PRKG1: variants seen among roughly 807,000 people sequenced by gnomAD.
The protein encoded by PRKG1 is cGMP-dependent protein kinase 1.
A neutral mutation model predicts 88.1 loss-of-function variants in PRKG1; 35 were observed. That is an observed-to-expected ratio of 0.40 (90% CI 0.30 to 0.53). PRKG1 has a LOEUF of 0.53. Among genes scored for constraint, PRKG1 ranks in the 20% least tolerant of loss-of-function variants. The pLI is 0.59. For synonymous variants in PRKG1, 303 were observed against 292.5 expected (o/e 1.04, Z -0.37); for missense variants, 540 against 839.8 (o/e 0.64, Z 4.41).
At chr10:51,821,687 A>G (rs1298797704) in intron 4 of PRKG1, among the ~76,000 whole-genome samples, 1 of 152,084 alleles carries the variant, frequency 6.6e-6, no homozygotes, top group Non-Finnish European at 1.5e-5. Context: ...TGACCTATAT[A>G]TATTGACCTT....
intron 5 of PRKG1, among the ~76,000 whole-genome samples, chr10:51,995,100 A>G (rs924068581): frequency 6.6e-6 from 1 of 152,206 alleles, no homozygotes; most frequent in Non-Finnish European, 1.5e-5. Context: ...TCACATAAAT[A>G]GTAAGAGACA....
intron 9 of PRKG1, among the ~76,000 whole-genome samples, chr10:52,187,138 C>T (rs746286092): frequency 6.6e-6 from 1 of 152,044 alleles, no homozygotes; most frequent in Non-Finnish European, 1.5e-5. Context: ...ACAATTAATT[C>T]ACTTGGATAA....
intron 1 of PRKG1, among the ~76,000 whole-genome samples, chr10:51,008,805 G>T (rs1249096815): frequency 1.3e-5 from 2 of 152,172 alleles, no homozygotes; most frequent in Non-Finnish European, 2.9e-5. Context: ...AAAGATTTTG[G>T]ATGAGATGAA....
chr10:51,041,228 C>T (rs1196100343), intron 1 of PRKG1, among the ~76,000 whole-genome samples: 5 of 152,234 alleles, frequency 3.3e-5, no homozygotes, highest in African/African-American at 1.2e-4. Context: ...AGTGGGCTCC[C>T]TTCTGGTCCA....
At chr10:51,181,756 A>G (rs946241862) in intron 2 of PRKG1, among the ~76,000 whole-genome samples, 6 of 152,148 alleles carry the variant, frequency 3.9e-5, no homozygotes, top group Non-Finnish European at 8.8e-5. Flanking sequence ...CAAATGAGGA[A>G]ATTGAGGATC....
At chr10:51,609,270 C>T (rs1261246064) in intron 3 of PRKG1, among the ~76,000 whole-genome samples, 2 of 152,124 alleles carry the variant, frequency 1.3e-5, no homozygotes, top group Non-Finnish European at 2.9e-5. Flanking sequence ...ACTCACCCAC[C>T]AGTCATTCAC....
intron 2 of PRKG1, among the ~76,000 whole-genome samples, chr10:51,339,692 A>C (rs1295672890): frequency 6.6e-6 from 1 of 151,994 alleles, no homozygotes; most frequent in Admixed American, 6.6e-5. Context: ...TTTCTCATGC[A>C]AAGTATATAA....
intron 5 of PRKG1, among the ~76,000 whole-genome samples, chr10:52,030,790 T>G (rs1349179060): frequency 2.6e-5 from 4 of 152,160 alleles, no homozygotes; most frequent in Admixed American, 2.6e-4. Flanking sequence ...ACCCATAAGA[T>G]GTAGTTTAAA....
At chr10:51,256,445 G>C (rs2132150693) in intron 2 of PRKG1, among the ~76,000 whole-genome samples, 1 of 152,254 alleles carries the variant, frequency 6.6e-6, no homozygotes, top group South Asian at 2.1e-4. Context: ...CTGGTCCCAT[G>C]TACTGAGATA....
chr10:51,025,274 A>T (rs1030317267), intron 1 of PRKG1, among the ~76,000 whole-genome samples: 1 of 152,136 alleles, frequency 6.6e-6, no homozygotes, highest in African/African-American at 2.4e-5. Flanking sequence ...ATCAGGCTTG[A>T]CAGTTGCATT....
intron 4 of PRKG1, among the ~76,000 whole-genome samples, chr10:51,869,766 A>G (rs1262840263): frequency 6.6e-6 from 1 of 152,196 alleles, no homozygotes; most frequent in East Asian, 1.9e-4. Flanking sequence ...TAAATTCCAC[A>G]GAAATCACAT....
At chr10:51,068,159 T>A (rs935498385) in intron 1 of PRKG1, among the ~76,000 whole-genome samples, 1 of 152,084 alleles carries the variant, frequency 6.6e-6, no homozygotes, top group Non-Finnish European at 1.5e-5. Flanking sequence ...ACTATTTCAT[T>A]TGCCTGTCGT....
At chr10:52,276,710 T>C (rs1339446281) in intron 12 of PRKG1, among the ~76,000 whole-genome samples, 1 of 152,208 alleles carries the variant, frequency 6.6e-6, no homozygotes, top group Non-Finnish European at 1.5e-5. Context: ...GATTTATTTC[T>C]TTAAGTAACT....
At chr10:51,960,808 C>A (rs764337197) in intron 5 of PRKG1, among the ~76,000 whole-genome samples, 1 of 152,080 alleles carries the variant, frequency 6.6e-6, no homozygotes, top group Non-Finnish European at 1.5e-5. Flanking sequence ...GCATGATATC[C>A]GACTTCCCCA....
At chr10:51,761,462 A>G (rs1193967478) in intron 3 of PRKG1, among the ~76,000 whole-genome samples, 1 of 152,176 alleles carries the variant, frequency 6.6e-6, no homozygotes, top group East Asian at 1.9e-4. Context: ...CTGCTGTCCA[A>G]TCTACTTGAA....
chr10:52,084,265 C>T (rs1846854675), intron 7 of PRKG1, among the ~76,000 whole-genome samples: 1 of 152,090 alleles, frequency 6.6e-6, no homozygotes, highest in Non-Finnish European at 1.5e-5. Flanking sequence ...CACAATGAAA[C>T]AAATATCTGC....
At position 51,697,766 on chromosome 10, in the gene PRKG1, G is replaced by T. The variant is rs746675885; in HGVS notation, c.593-106819G>T. On this transcript the variant is annotated intron_variant, in intron 3 of 17. Coordinates refer to ENST00000373980, the MANE Select transcript of PRKG1 (RefSeq NM_006258.4). ...CAGGATACTCTGCCTTTGCTCAGGG[G>T]GCAGCATGGCAATCTGATCTGCAGT... The T allele has an allele frequency of 6.8e-6, 11 of 1,613,972 alleles. No individual in the cohort carries two copies. The Admixed American group carries it at 1.7e-4, about 24-fold the overall frequency.
intron 3 of PRKG1, among the ~76,000 whole-genome samples, chr10:51,504,378 G>A (rs376474619): frequency 1.3e-5 from 2 of 152,146 alleles, no homozygotes; most frequent in East Asian, 3.9e-4. Context: ...CTGTAGCCTT[G>A]TAGTATAGTT....
At position 51,606,933 on chromosome 10, in the gene PRKG1, T is replaced by C. The variant is rs142319820; in HGVS notation, c.592+139097T>C. Reference sequence around the variant, plus strand: ...GCTAATCTGCTGATTGCTAATTTTCTTGGGTGTTGTTGCACTGCCTTGCTG... The same window carrying C: ...GCTAATCTGCTGATTGCTAATTTTCCTGGGTGTTGTTGCACTGCCTTGCTG... On this transcript the variant is annotated intron_variant, in intron 3 of 17. Coordinates refer to ENST00000373980, the MANE Select transcript of PRKG1 (RefSeq NM_006258.4). Among the ~76,000 whole-genome samples, 469 of 152,290 alleles carry C rather than the reference T, an allele frequency of 3.1e-3. 3 individuals are homozygous for C. Among genetic ancestry groups the C allele is most frequent in the African/African-American group, 0.011 (458 of 41,564 alleles).
Sources: gnomAD v4.1 joint callset for allele counts (sites outside exome capture counted in the v4.1 genomes callset) on GRCh38, gnomAD v4.1.1 for gene constraint, MANE v1.5 for transcripts, NCBI Gene and HGNC (gene_info 2026-07-23, HGNC 2026-07-21) for gene names.